The following ATAD1 variants were observed in gnomAD, a reference collection of about 807,000 sequenced individuals.
The protein encoded by ATAD1 is ATPase family AAA domain containing 1, also known as outer mitochondrial transmembrane helix translocase.
ATAD1 carries 18 observed loss-of-function variants against 42.7 expected under a neutral mutation model. The ratio of observed to expected loss-of-function variants is 0.42; its 90% CI spans 0.29 to 0.63. The LOEUF (loss-of-function observed/expected upper bound fraction) is 0.63, where lower values mean the gene tolerates loss of function less well. Among genes scored for constraint, ATAD1 ranks in the 20% least tolerant of loss-of-function variants. The pLI is 0.19. For synonymous variants in ATAD1, 132 were observed against 143.1 expected (o/e 0.92, Z 0.55); for missense variants, 294 against 440.4 (o/e 0.67, Z 2.98).
chr10:87,834,546 G>A (rs964190480), intron 1 of ATAD1, among the ~76,000 whole-genome samples: 1 of 152,098 alleles, frequency 6.6e-6, no homozygotes, highest in African/African-American at 2.4e-5. Flanking sequence ...ATTTCACATA[G>A]GTTGTCATAT....
At chr10:87,766,881 A>G (rs1308062960) in intron 8 of ATAD1, among the ~76,000 whole-genome samples, 1 of 152,092 alleles carries the variant, frequency 6.6e-6, no homozygotes, top group Non-Finnish European at 1.5e-5. Context: ...TGTATTATTA[A>G]ATATACATAC....
At chr10:87,775,790 T>C (rs1855277800) in intron 6 of ATAD1, among the ~76,000 whole-genome samples, 1 of 152,122 alleles carries the variant, frequency 6.6e-6, no homozygotes, top group African/African-American at 2.4e-5. Flanking sequence ...AAGCCTAGGA[T>C]ACAAGTCTGT....
At chr10:87,812,271 A>ATATT (rs900956502) in intron 2 of ATAD1, among the ~76,000 whole-genome samples, 24 of 152,072 alleles carry the variant, frequency 1.6e-4, no homozygotes, top group South Asian at 1.5e-3. Context: ...GGTCAACAGC[A>ATATT]TATTTATTTA....
chr10:87,826,783 G>A (rs1462642837), intron 1 of ATAD1, among the ~76,000 whole-genome samples: 1 of 152,178 alleles, frequency 6.6e-6, no homozygotes, highest in Non-Finnish European at 1.5e-5. Context: ...AGGTGAAAGA[G>A]TTTAAATGAA....
chr10:87,790,926 T>C (rs1457795306), intron 3 of ATAD1, among the ~76,000 whole-genome samples: 1 of 150,134 alleles, frequency 6.7e-6, no homozygotes, highest in African/African-American at 2.5e-5. Flanking sequence ...CGCTCACGCC[T>C]GTAATCCAGC....
chr10:87,801,015 G>T (rs534601963), intron 2 of ATAD1, among the ~76,000 whole-genome samples: 11 of 152,278 alleles, frequency 7.2e-5, no homozygotes, highest in Non-Finnish European at 1.3e-4. Flanking sequence ...AGGTTTTGTT[G>T]AAGCATTAAC....
chr10:87,774,554 G>GT (rs1855198785), intron 6 of ATAD1, among the ~76,000 whole-genome samples: 1 of 151,996 alleles, frequency 6.6e-6, no homozygotes, highest in African/African-American at 2.4e-5. Context: ...CTCAATGAAA[G>GT]AGTCAGATAG....
intron 4 of ATAD1, among the ~76,000 whole-genome samples, chr10:87,788,479 A>G (rs1225145279): frequency 6.6e-6 from 1 of 152,240 alleles, no homozygotes; most frequent in African/African-American, 2.4e-5. Context: ...AAAAAGTTCA[A>G]ATAGCAAAAC....
At chr10:87,809,794 A>G (rs11202568) in intron 2 of ATAD1, among the ~76,000 whole-genome samples, 45,729 of 151,648 alleles carry the variant, frequency 0.3, 7,101 homozygotes, top group African/African-American at 0.32. Flanking sequence ...CTACAGGAAC[A>G]TGCCACCACG....
At position 87,775,115 on chromosome 10, in the gene ATAD1, T is replaced by C. The variant is rs183338483; in HGVS notation, c.690+1206A>G. Among the ~76,000 whole-genome samples, 304 of 151,844 alleles carry C rather than the reference T, an allele frequency of 2.0e-3. 5 individuals are homozygous for C. The highest frequency in any genetic ancestry group is 6.8e-3 in the Middle Eastern group (2 of 292). On this transcript the variant is annotated intron_variant, in intron 6 of 9. Transcript: ENST00000680024. ...TTTTTTTAAAAAGGCAAAAACAGAT[T>C]ACAAAATAGGAAATACTAAAGTTGG...
chr10:87,796,210 G>A (rs1589525389), intron 2 of ATAD1, among the ~76,000 whole-genome samples: 1 of 152,142 alleles, frequency 6.6e-6, no homozygotes, highest in East Asian at 1.9e-4. Flanking sequence ...TATTCTGAAA[G>A]TTCTTGGGTA....
At chr10:87,784,876 A>G (rs770434609) in intron 4 of ATAD1, among the ~76,000 whole-genome samples, 10 of 152,182 alleles carry the variant, frequency 6.6e-5, no homozygotes, top group Non-Finnish European at 1.0e-4. Context: ...GTATTTGGGG[A>G]TTACAGCATC....
intron 1 of ATAD1, among the ~76,000 whole-genome samples, chr10:87,829,242 T>TTTA (rs776938674): frequency 3.1e-5 from 4 of 129,096 alleles, no homozygotes; most frequent in Non-Finnish European, 5.4e-5. Flanking sequence ...TTATTATTTA[T>TTTA]TTATTTATTT....
intron 5 of ATAD1, among the ~76,000 whole-genome samples, chr10:87,779,166 C>T (rs529756091): frequency 2.9e-4 from 44 of 152,062 alleles, no homozygotes; most frequent in Non-Finnish European, 5.1e-4. Flanking sequence ...GGCATGGTGG[C>T]GAATGCCTAT....
At chr10:87,775,533 A>G (rs1394768185) in intron 6 of ATAD1, among the ~76,000 whole-genome samples, 29 of 128,852 alleles carry the variant, frequency 2.3e-4, no homozygotes, top group African/African-American at 7.7e-4. Context: ...AAAAAAAAAA[A>G]GGGAAAATGG....
intron 1 of ATAD1, among the ~76,000 whole-genome samples, chr10:87,838,461 CAAAAAAAAA>C (rs770282016): frequency 4.7e-5 from 2 of 42,628 alleles, no homozygotes; most frequent in African/African-American, 1.8e-4. Flanking sequence ...GACTCTATCT[CAAAAAAAAA>C]AAAAAAAAAA....
At chr10:87,781,821 T>G (rs1201755974) in intron 5 of ATAD1, among the ~76,000 whole-genome samples, 1 of 152,164 alleles carries the variant, frequency 6.6e-6, no homozygotes, top group Non-Finnish European at 1.5e-5. Context: ...TTTTGTATTT[T>G]TTTTTGTAGA....
chr10:87,818,329 T>G (rs1857532830), upstream of ATAD1: 2 of 912,102 alleles, frequency 2.2e-6, no homozygotes, highest in African/African-American at 1.8e-5. Flanking sequence ...CTCCCAGGCT[T>G]AGAAACAGTG....
At position 87,754,220 on chromosome 10, in the gene ATAD1, G is replaced by C. The variant is rs1854122612; in HGVS notation, c.*467C>G. 6.6e-6 allele frequency: 1 copy of C among 152,524 alleles called. No homozygotes were observed. Among genetic ancestry groups the C allele is most frequent in the African/African-American group, 2.4e-5 (1 of 41,396 alleles). The allele number at this position is 152,524 out of a possible 1,614,324, so 9.4% of individuals were successfully genotyped here. On this transcript the variant is annotated 3_prime_UTR_variant, in exon 10 of 10. Transcript: ENST00000680024. ...TTGGTACTCCTGGATTCAGTAGTTG[G>C]GGTAAAAAAAGTTTCTATATTCAAA...
Sources: gnomAD v4.1 joint callset for allele counts (sites outside exome capture counted in the v4.1 genomes callset) on GRCh38, gnomAD v4.1.1 for gene constraint, MANE v1.5 for transcripts, NCBI Gene and HGNC (gene_info 2026-07-23, HGNC 2026-07-21) for gene names.